KCNIP3: variants seen among roughly 807,000 people sequenced by gnomAD.
KCNIP3 encodes potassium voltage-gated channel interacting protein 3.
In KCNIP3, 28 loss-of-function variants were observed where a neutral mutation model predicts 35.0. The observed-to-expected ratio is 0.80, with a 90% CI of 0.59 to 1.10. The LOEUF is 1.10. Ranked by LOEUF, KCNIP3 falls within the 50% of genes least tolerant of loss-of-function variation. The pLI is 0.00. For synonymous variants in KCNIP3, 134 were observed against 133.8 expected, an observed-to-expected ratio of 1.00 and a Z score of -0.01; for missense variants, 295 against 338.4, an observed-to-expected ratio of 0.87 and a Z score of 1.01.
rs1241197752 is a variant in KCNIP3, at chr2:95,382,336, C to T, written c.556-41C>T. 13 of 1,430,366 alleles carry T rather than the reference C, an allele frequency of 9.1e-6. No homozygotes were observed. The highest frequency in any genetic ancestry group is 3.6e-4 in the Middle Eastern group (2 of 5,546). The allele number at this position is 1,430,366 out of a possible 1,614,324, so 88.6% of individuals were successfully genotyped here. On this transcript the variant is annotated intron_variant, in intron 6 of 8. Transcript: ENST00000295225. The surrounding 1 kb of genome is among the most constrained non-coding windows in gnomAD (Gnocchi z 4.5). ...CGCTCCCTTTGGGCCCTCACAGCCA[C>T]CCCGGCCTTGCAGCAGGCTCATGCC...
Position 95,385,244 on chromosome 2 carries a change from T to C in KCNIP3, c.*1195T>C, listed in dbSNP as rs528976623. ...ATATGGTGGCCCTGGGGAAGAGGCC[T>C]TGGGGGTCTGCTCTGTGCCTGGGAT... On this transcript the variant is annotated 3_prime_UTR_variant, in exon 9 of 9. Transcript: ENST00000295225. 1.8e-3 allele frequency: 281 copies of C among 152,906 alleles called. 1 individual carries two copies. The highest frequency in any genetic ancestry group is 1.0e-3 in the Non-Finnish European group (68 of 68,218). The allele number at this position is 152,906 out of a possible 1,614,324, so 9.5% of individuals were successfully genotyped here. A position where few individuals can be genotyped will look rare whatever the true frequency, so the allele number is the denominator to read the frequency against.
chr2:95,361,462 C>T (rs1187657296), intron 2 of KCNIP3, among the ~76,000 whole-genome samples: 1 of 152,230 alleles, frequency 6.6e-6, no homozygotes, highest in Non-Finnish European at 1.5e-5. Context: ...CTGCTTTGGA[C>T]CCTTCGATAG....
At position 95,378,497 on chromosome 2, in the gene KCNIP3, G is replaced by A. The variant is rs187111131; in HGVS notation, c.448-3099G>A. On this transcript the variant is annotated intron_variant, in intron 5 of 8. Coordinates refer to ENST00000295225, the MANE Select transcript of KCNIP3 (RefSeq NM_013434.5). The surrounding 1 kb of genome is among the most constrained non-coding windows in gnomAD (Gnocchi z 4.0). ...CGCCTGCAATCCCAGCACTTTGAGA[G>A]GCCAAGGCGGTCAGATCACCTGAGG... Among the ~76,000 whole-genome samples, 156 of 152,008 alleles carry A rather than the reference G, an allele frequency of 1.0e-3. No individual in the cohort carries two copies. The highest frequency in any genetic ancestry group is 3.6e-3 in the African/African-American group (148 of 41,472).
intron 2 of KCNIP3, among the ~76,000 whole-genome samples, chr2:95,371,771 C>G (rs1680046966): frequency 6.7e-6 from 1 of 149,522 alleles, no homozygotes; most frequent in Non-Finnish European, 1.5e-5. Context: ...AAACATCCAG[C>G]TTTCTTAATG....
At chr2:95,300,711 C>A (rs942072044) in intron 1 of KCNIP3, among the ~76,000 whole-genome samples, 11 of 152,216 alleles carry the variant, frequency 7.2e-5, no homozygotes, top group Non-Finnish European at 1.2e-4. Context: ...GGCCAAAGAG[C>A]AGCCCTGTGG....
At chr2:95,361,161 A>C (rs1339078882) in intron 2 of KCNIP3, among the ~76,000 whole-genome samples, 1 of 152,192 alleles carries the variant, frequency 6.6e-6, no homozygotes, top group Non-Finnish European at 1.5e-5. Flanking sequence ...ACAGTGCTCT[A>C]ATGTTACGTT....
chr2:95,342,203 T>C (rs976215832), intron 2 of KCNIP3, among the ~76,000 whole-genome samples: 1 of 152,060 alleles, frequency 6.6e-6, no homozygotes. Flanking sequence ...GGGGGCAAGG[T>C]TGAATTGAAA....
intron 2 of KCNIP3, among the ~76,000 whole-genome samples, chr2:95,316,805 A>G (rs1211705251): frequency 6.6e-6 from 1 of 152,218 alleles, no homozygotes; most frequent in Admixed American, 6.5e-5. Context: ...GGTGAAACTC[A>G]GGAAGAATGA....
intron 2 of KCNIP3, among the ~76,000 whole-genome samples, chr2:95,365,655 A>G (rs1337188775): frequency 2.0e-5 from 3 of 152,110 alleles, no homozygotes; most frequent in African/African-American, 7.2e-5. Context: ...GTTGTTTTTA[A>G]TGGAAGAAAT....
intron 2 of KCNIP3, among the ~76,000 whole-genome samples, chr2:95,366,343 C>T (rs867893612): frequency 6.6e-6 from 1 of 152,108 alleles, no homozygotes; most frequent in Non-Finnish European, 1.5e-5. Flanking sequence ...ATTGCATGTG[C>T]GATTCATTCA....
intron 2 of KCNIP3, among the ~76,000 whole-genome samples, chr2:95,351,028 TCAG>T (rs1249061434): frequency 6.6e-6 from 1 of 152,138 alleles, no homozygotes; most frequent in Non-Finnish European, 1.5e-5. Flanking sequence ...GGGCTCTGGG[TCAG>T]CAGCAGCAGC....
At chr2:95,363,188 G>T (rs755615827) in intron 2 of KCNIP3, among the ~76,000 whole-genome samples, 2 of 152,000 alleles carry the variant, frequency 1.3e-5, no homozygotes, top group Non-Finnish European at 2.9e-5. Context: ...TAAGAAATCT[G>T]TCCAGAATCT....
chr2:95,318,971 C>T (rs573888018), intron 2 of KCNIP3, among the ~76,000 whole-genome samples: 121 of 152,314 alleles, frequency 7.9e-4, no homozygotes, highest in African/African-American at 2.7e-3. Flanking sequence ...CACCTGCAGC[C>T]GCCGGCAGGG....
chr2:95,301,021 A>G (rs919232499), intron 1 of KCNIP3, among the ~76,000 whole-genome samples: 4 of 152,226 alleles, frequency 2.6e-5, no homozygotes, highest in African/African-American at 9.6e-5. Flanking sequence ...TAGGCAAGGG[A>G]CAAGTCCCCT....
chr2:95,334,113 G>A (rs1274819921), intron 2 of KCNIP3, among the ~76,000 whole-genome samples: 1 of 152,228 alleles, frequency 6.6e-6, no homozygotes, highest in Non-Finnish European at 1.5e-5. Flanking sequence ...GATGTGACTT[G>A]AGAACACTTT....
intron 5 of KCNIP3, among the ~76,000 whole-genome samples, chr2:95,380,941 G>A (rs1680321545): frequency 6.6e-6 from 1 of 152,234 alleles, no homozygotes. Flanking sequence ...GAGCCTGGGA[G>A]TTTGGGACTG....
At chr2:95,326,314 A>G (rs1384172930) in intron 2 of KCNIP3, among the ~76,000 whole-genome samples, 1 of 152,110 alleles carries the variant, frequency 6.6e-6, no homozygotes, top group African/African-American at 2.4e-5. Flanking sequence ...ACACATACAC[A>G]CACACGTGTA....
chr2:95,357,137 G>A (rs1320419749), intron 2 of KCNIP3, among the ~76,000 whole-genome samples: 1 of 152,216 alleles, frequency 6.6e-6, no homozygotes, highest in Non-Finnish European at 1.5e-5. Flanking sequence ...CACATACCTA[G>A]ACACAGGTGG....
Position 95,382,290 on chromosome 2 carries a change from C to A in KCNIP3, c.556-87C>A. ...CTCGCACTCACTGCCTTGGAGGTGC[C>A]CTGCACCCTTGGATGCCGCCCGCTC... On this transcript the variant is annotated intron_variant, in intron 6 of 8. Transcript: ENST00000295225. This position sits in a 1 kb window ranked among gnomAD's most constrained non-coding sequence, Gnocchi z 4.5. 2.6e-6 allele frequency: 2 copies of A among 781,944 alleles called. No individual in the cohort carries two copies. The highest frequency in any genetic ancestry group is 4.0e-6 in the Non-Finnish European group (2 of 495,842). 48.4% of individuals were successfully genotyped at this position (781,944 alleles called of 1,614,324 possible). A position where few individuals can be genotyped will look rare whatever the true frequency, so the allele number is the denominator to read the frequency against.
Sources: allele counts gnomAD v4.1 joint callset (sites outside exome capture counted in the v4.1 genomes callset), GRCh38; gene constraint gnomAD v4.1.1; non-coding constraint Gnocchi (gnomAD v3.1); transcripts MANE v1.5; gene names NCBI Gene and HGNC (gene_info 2026-07-23, HGNC 2026-07-21).